The following PHF12 variants were observed in gnomAD, a reference collection of about 807,000 sequenced individuals.
PHF12 encodes PHD factor 1.
In PHF12, 6 loss-of-function variants were observed where a neutral mutation model predicts 99.8. The observed-to-expected ratio is 0.06, with a 90% confidence interval of 0.03 to 0.12. The LOEUF is 0.12. Among genes scored for constraint, PHF12 ranks in the 10% least tolerant of loss-of-function variants. PHF12 has a pLI of 1.00. For missense variants in PHF12, 954 were observed against 1,300.1 expected (o/e 0.73, Z 4.09); for synonymous variants, 480 against 514.9 (o/e 0.93, Z 0.92).
In PHF12 at chr17:28,947,492, C is replaced by T. The variant is rs188076889; in HGVS notation, c.248+2573G>A. On this transcript the variant is annotated intron_variant, in intron 2 of 14. Coordinates refer to ENST00000332830, the MANE Select transcript of PHF12 (RefSeq NM_001033561.2). Reference sequence around the variant, plus strand: ...ACTTGGGAGGCTGAGGCAGAAGAATCCGTTGAACCTGGGAGGTGGAGGTTG... The same window carrying T: ...ACTTGGGAGGCTGAGGCAGAAGAATTCGTTGAACCTGGGAGGTGGAGGTTG... Among the ~76,000 whole-genome samples the T allele has an allele frequency of 3.2e-3, 488 of 152,000 alleles. 2 individuals are homozygous for T. Among genetic ancestry groups the T allele is most frequent in the African/African-American group, 0.012 (478 of 41,460 alleles).
chr17:28,912,343 C>T (rs569227798), intron 9 of PHF12, 139 bp downstream of exon 9: 54 of 1,409,624 alleles, frequency 3.8e-5, no homozygotes, highest in South Asian at 6.7e-5. Context: ...TCTTCTATTA[C>T]GGAAATGAGA....
rs2040364991 is a variant in PHF12 at position 28,929,957 on chromosome 17, A to G, written c.249-2894T>C. ...GCTGTCCTATCAAAATTAACCCTGA[A>G]GGGTGTCACTTCTGATTCTGTTTCT... On this transcript the variant is annotated intron_variant, in intron 2 of 14. Transcript: ENST00000332830. 1.3e-5 allele frequency: 2 copies of G among 152,230 alleles called. 1 individual carries two copies. The highest frequency in any genetic ancestry group is 1.3e-4 in the Admixed American group (2 of 15,286). 9.4% of individuals were successfully genotyped at this position (152,230 alleles called of 1,614,324 possible).
intron 6 of PHF12, 69 bp downstream of exon 6, chr17:28,919,074 T>C: frequency 6.6e-7 from 1 of 1,514,186 alleles, no homozygotes; most frequent in South Asian, 1.3e-5. Flanking sequence ...GACCTTAATA[T>C]GCTTTCTGCT....
In PHF12 at chr17:28,950,630, G is replaced by C. The variant is rs2040793291; in HGVS notation, c.66+265C>G. The C allele has an allele frequency of 1.8e-6, 1 of 544,892 alleles. No homozygotes were observed. Among genetic ancestry groups the C allele is most frequent in the East Asian group, 3.2e-5 (1 of 31,290 alleles). 33.8% of individuals were successfully genotyped at this position (544,892 alleles called of 1,614,324 possible). A position where few individuals can be genotyped will look rare whatever the true frequency, so the allele number is the denominator to read the frequency against. Reference sequence around the variant, plus strand: ...AAGGGGCCAACAAGAAGGGGGTGGGGAGGCCTGCCGGTGCAACGAGATGGA... The same window carrying C: ...AAGGGGCCAACAAGAAGGGGGTGGGCAGGCCTGCCGGTGCAACGAGATGGA... On this transcript the variant is annotated intron_variant, in intron 1 of 14. Coordinates refer to ENST00000332830, the MANE Select transcript of PHF12 (RefSeq NM_001033561.2). The surrounding 1 kb of genome is among the most constrained non-coding windows in gnomAD (Gnocchi z 5.7).
intron 7 of PHF12, among the ~76,000 whole-genome samples, chr17:28,915,843 G>A (rs142846797): frequency 5.3e-4 from 80 of 152,294 alleles, no homozygotes; most frequent in Middle Eastern, 3.4e-3. Flanking sequence ...TGCTTTGCAG[G>A]TAACTCATGC....
In PHF12 at chr17:28,951,272, AGCCG is replaced by A; in HGVS notation, c.-316_-313del. ...ACAGGCTAAAGCCGGCACTGGCGAC[AGCCG>A]GTCCGGCCGGGAAGGCTGGCGGGCG... On this transcript the variant is annotated 5_prime_UTR_variant, in exon 1 of 15. An upstream open reading frame in the 5' UTR loses its in-frame stop. Transcript: ENST00000332830. 1 of 1,168,134 alleles carries A rather than the reference AGCCG, an allele frequency of 8.6e-7. No homozygotes were observed. Among genetic ancestry groups the A allele is most frequent in the Non-Finnish European group, 1.1e-6 (1 of 942,636 alleles). 72.4% of individuals were successfully genotyped at this position (1,168,134 alleles called of 1,614,324 possible). A position where few individuals can be genotyped will look rare whatever the true frequency, so the allele number is the denominator to read the frequency against.
intron 2 of PHF12, among the ~76,000 whole-genome samples, chr17:28,937,986 A>C (rs766138777): frequency 2.0e-5 from 3 of 152,208 alleles, no homozygotes; most frequent in Non-Finnish European, 4.4e-5. Context: ...GGAAGAACCA[A>C]CAACTGCCAA....
chr17:28,919,363 ATCCTAACATTCTCCCCTCCTTG>A, intron 5 of PHF12, 88 bp from the exon 6 acceptor site: 1 of 2,362 alleles, frequency 4.2e-4, no homozygotes. Flanking sequence ...CCCCTCCTTG[ATCCTAACATTCTCCCCTCCTTG>A]ATCCTAACAT....
intron 9 of PHF12, among the ~76,000 whole-genome samples, chr17:28,911,885 G>C (rs191215948): frequency 6.6e-6 from 1 of 152,374 alleles, no homozygotes; most frequent in Admixed American, 6.5e-5. Context: ...GCCAAGTACA[G>C]ACCTGAAGGA....
intron 2 of PHF12, among the ~76,000 whole-genome samples, chr17:28,948,956 G>A (rs2040761571): frequency 6.6e-6 from 1 of 152,108 alleles, no homozygotes; most frequent in Admixed American, 6.5e-5. Context: ...GAGGGCAGAG[G>A]TGATTTCGGC....
chr17:28,944,622 G>C, intron 2 of PHF12: 1 of 547,540 alleles, frequency 1.8e-6, no homozygotes, highest in Non-Finnish European at 2.3e-6. Flanking sequence ...ACTCTAGCCT[G>C]GGCAACAGAG....
intron 2 of PHF12, among the ~76,000 whole-genome samples, chr17:28,934,561 A>G (rs1473363567): frequency 5.3e-5 from 8 of 152,062 alleles, no homozygotes; most frequent in Non-Finnish European, 1.2e-4. Context: ...AAGTCTGTCT[A>G]GAGCACAATA....
intron 2 of PHF12, among the ~76,000 whole-genome samples, chr17:28,940,754 T>A (rs1266766675): frequency 6.6e-6 from 1 of 152,214 alleles, no homozygotes; most frequent in Non-Finnish European, 1.5e-5. Context: ...GGAAAAGCAG[T>A]CAGCTAGTGA....
At chr17:28,925,171 G>A (rs1465363994) in intron 3 of PHF12, 1 of 152,170 alleles carries the variant, frequency 6.6e-6, no homozygotes, top group Non-Finnish European at 1.5e-5. Flanking sequence ...CTGATCTCCA[G>A]GTAGGAGACC....
chr17:28,908,539 C>T (rs893214275), intron 12 of PHF12: 3 of 502,302 alleles, frequency 6.0e-6, no homozygotes, highest in East Asian at 3.2e-5. Context: ...AGGCTGGTCT[C>T]GAAGTCCTGG....
At chr17:28,931,916 T>C (rs1209127467) in intron 2 of PHF12, among the ~76,000 whole-genome samples, 2 of 151,970 alleles carry the variant, frequency 1.3e-5, no homozygotes, top group Non-Finnish European at 2.9e-5. Context: ...AGAACATGCA[T>C]CTTGAAATAA....
chr17:28,921,910 G>A, intron 4 of PHF12, 102 bp from the exon 5 acceptor site: 1 of 1,497,910 alleles, frequency 6.7e-7, no homozygotes, highest in East Asian at 2.3e-5. Context: ...TTAAGCATGT[G>A]TCATGGCCTA....
intron 5 of PHF12, 22 bp from the exon 6 acceptor site, chr17:28,919,297 C>G (rs575722698): frequency 6.2e-7 from 1 of 1,608,832 alleles, no homozygotes; most frequent in Non-Finnish European, 8.5e-7. Context: ...AGATGTTGGC[C>G]ATTTCTGTGG....
At chr17:28,923,790 A>G (rs970224588) in intron 4 of PHF12, 119 bp downstream of exon 4, 2 of 1,234,762 alleles carry the variant, frequency 1.6e-6, no homozygotes, top group Non-Finnish European at 2.2e-6. Context: ...AAGCAGAACT[A>G]GGAACAGGAA....
Sources: gnomAD v4.1 joint callset for allele counts (sites outside exome capture counted in the v4.1 genomes callset) on GRCh38, gnomAD v4.1.1 for gene constraint, Gnocchi (gnomAD v3.1) non-coding constraint, MANE v1.5 for transcripts, NCBI Gene and HGNC (gene_info 2026-07-23, HGNC 2026-07-21) for gene names.